Variants in CDK19 observed in about 807,000 individuals in gnomAD.
CDK19 encodes the protein cyclin dependent kinase 19.
In CDK19, 20 loss-of-function variants were observed where a neutral mutation model predicts 68.3. That is an observed-to-expected ratio of 0.29 (90% CI 0.21 to 0.43). The LOEUF (loss-of-function observed/expected upper bound fraction) is 0.43. Among genes scored for constraint, CDK19 ranks in the 20% least tolerant of loss-of-function variants. The pLI is 1.00. For synonymous variants in CDK19, 221 were observed against 222.8 expected, an observed-to-expected ratio of 0.99 and a Z score of 0.07; for missense variants, 339 against 623.5, an observed-to-expected ratio of 0.54 and a Z score of 4.86.
chr6:110,765,417 G>T (rs1169463759), intron 1 of CDK19, among the ~76,000 whole-genome samples: 1 of 151,458 alleles, frequency 6.6e-6, no homozygotes, highest in Non-Finnish European at 1.5e-5. Context: ...GGTGGCTCAC[G>T]CCTGTAATTC....
At chr6:110,624,014 T>C (rs9487468) in intron 8 of CDK19, among the ~76,000 whole-genome samples, 3,577 of 151,176 alleles carry the variant, frequency 0.024, 142 homozygotes, top group African/African-American at 0.082. Flanking sequence ...ATTCACAGAA[T>C]GGAATGTTAT....
chr6:110,803,148 C>T (rs1782451469), intron 1 of CDK19, among the ~76,000 whole-genome samples: 1 of 152,022 alleles, frequency 6.6e-6, no homozygotes, highest in South Asian at 2.1e-4. Flanking sequence ...GGTGCCATCT[C>T]GGCTCACTGC....
chr6:110,630,140 T>TG (rs1779352102), intron 6 of CDK19, among the ~76,000 whole-genome samples: 1 of 152,218 alleles, frequency 6.6e-6, no homozygotes, highest in African/African-American at 2.4e-5. Flanking sequence ...ATGGACCCGC[T>TG]GTGTTAGCTT....
At chr6:110,802,262 A>G (rs924157705) in intron 1 of CDK19, among the ~76,000 whole-genome samples, 2 of 152,248 alleles carry the variant, frequency 1.3e-5, no homozygotes, top group Non-Finnish European at 2.9e-5. Context: ...TTCACAATAC[A>G]AAAGTCATGG....
At chr6:110,808,998 A>G (rs1388227129) in intron 1 of CDK19, among the ~76,000 whole-genome samples, 2 of 150,226 alleles carry the variant, frequency 1.3e-5, no homozygotes, top group African/African-American at 4.9e-5. Flanking sequence ...TGAGGTCAGG[A>G]GATTTAGACC....
chr6:110,751,067 C>T (rs1207238735), intron 1 of CDK19, among the ~76,000 whole-genome samples: 1 of 152,134 alleles, frequency 6.6e-6, no homozygotes, highest in South Asian at 2.1e-4. Flanking sequence ...CTCCTGGCCT[C>T]AAGCGATCCA....
At chr6:110,685,112 T>C (rs1233325232) in intron 2 of CDK19, among the ~76,000 whole-genome samples, 2 of 152,112 alleles carry the variant, frequency 1.3e-5, no homozygotes, top group Non-Finnish European at 2.9e-5. Flanking sequence ...CATTCCAGCC[T>C]GGGCGACACA....
At chr6:110,620,413 G>C (rs1386555518) in intron 12 of CDK19, among the ~76,000 whole-genome samples, 2 of 151,912 alleles carry the variant, frequency 1.3e-5, no homozygotes, top group African/African-American at 4.8e-5. Context: ...AAAAACTTAA[G>C]TTTTCCCTTC....
chr6:110,802,625 G>C (rs2115117493), intron 1 of CDK19, among the ~76,000 whole-genome samples: 1 of 152,108 alleles, frequency 6.6e-6, no homozygotes, highest in East Asian at 1.9e-4. Context: ...TCAGCATTAT[G>C]CAATATACCC....
rs994798641 is a variant in CDK19 at position 110,700,830 on chromosome 6, T to C, written c.205-30289A>G. 7 of 191,852 alleles carry C rather than the reference T, an allele frequency of 3.6e-5. No individual in the cohort carries two copies. In the East Asian group the frequency reaches 6.1e-4, roughly 17 times the overall value. 11.9% of individuals were successfully genotyped at this position (191,852 alleles called of 1,614,324 possible). ...ACTGACTTGCACAGTCCTTCCAAGATTGTCAAGCAGATTATTTCCATCAGT... is the reference window on the plus strand; with the variant it reads ...ACTGACTTGCACAGTCCTTCCAAGACTGTCAAGCAGATTATTTCCATCAGT... On this transcript the variant is annotated intron_variant, in intron 2 of 12. Coordinates refer to ENST00000368911, the MANE Select transcript of CDK19 (RefSeq NM_015076.5).
Position 110,686,977 on chromosome 6 carries a change from T to C in CDK19, c.205-16436A>G, listed in dbSNP as rs149957358. ...ACTTTGGGAGGCCAAGGCAGGAGGA[T>C]TGCTTGAGCCCAGGCATTCAAGACC... On this transcript the variant is annotated intron_variant, in intron 2 of 12. Transcript: ENST00000368911. Among the ~76,000 whole-genome samples the C allele has an allele frequency of 1.5e-3, 224 of 152,292 alleles. 1 individual carries two copies. The highest frequency in any genetic ancestry group is 5.2e-3 in the African/African-American group (218 of 41,576).
chr6:110,784,752 A>C (rs1161598613), intron 1 of CDK19, among the ~76,000 whole-genome samples: 1 of 152,232 alleles, frequency 6.6e-6, no homozygotes, highest in East Asian at 1.9e-4. Context: ...TCAGTTGATG[A>C]ATGGATAAAT....
chr6:110,651,302 A>G (rs1268249704), intron 4 of CDK19, among the ~76,000 whole-genome samples: 1 of 152,044 alleles, frequency 6.6e-6, no homozygotes, highest in East Asian at 1.9e-4. Flanking sequence ...CTGTCTAACT[A>G]TCTTCCTCCT....
chr6:110,660,469 G>C (rs1416922259), intron 4 of CDK19, among the ~76,000 whole-genome samples: 2 of 152,182 alleles, frequency 1.3e-5, no homozygotes, highest in Non-Finnish European at 1.5e-5. Context: ...GGGTTGGTGT[G>C]ACAGCCTTTT....
chr6:110,804,359 T>C, intron 1 of CDK19, among the ~76,000 whole-genome samples: 1 of 151,990 alleles, frequency 6.6e-6, no homozygotes, highest in South Asian at 2.1e-4. Context: ...TTTTTTATTT[T>C]TGAGATGGAG....
intron 12 of CDK19, among the ~76,000 whole-genome samples, chr6:110,614,891 T>G (rs577332446): frequency 6.6e-6 from 1 of 152,246 alleles, no homozygotes; most frequent in Non-Finnish European, 1.5e-5. Context: ...TGGCTAGATT[T>G]TTGTGGGAGA....
At chr6:110,727,837 A>G (rs567327941) in intron 2 of CDK19, among the ~76,000 whole-genome samples, 3 of 152,022 alleles carry the variant, frequency 2.0e-5, no homozygotes, top group East Asian at 3.9e-4. Flanking sequence ...AAGAAAGAAA[A>G]TTAGCCAGGC....
chr6:110,713,266 T>G (rs544174352), intron 2 of CDK19, among the ~76,000 whole-genome samples: 11 of 151,498 alleles, frequency 7.3e-5, no homozygotes, highest in African/African-American at 2.7e-4. Context: ...TGTGGTGATT[T>G]ATCCTAGGGT....
At chr6:110,749,511 C>A (rs1318454975) in intron 1 of CDK19, among the ~76,000 whole-genome samples, 1 of 152,034 alleles carries the variant, frequency 6.6e-6, no homozygotes, top group Non-Finnish European at 1.5e-5. Context: ...CAGGCACATA[C>A]CACACACCCA....
Sources: allele counts gnomAD v4.1 joint callset (sites outside exome capture counted in the v4.1 genomes callset), GRCh38; gene constraint gnomAD v4.1.1; transcripts MANE v1.5; gene names NCBI Gene and HGNC (gene_info 2026-07-23, HGNC 2026-07-21).